KRT37: variants seen among roughly 807,000 people sequenced by gnomAD.
The protein encoded by KRT37 is keratin, type I cuticular Ha7.
A neutral mutation model predicts 41.9 loss-of-function variants in KRT37; 38 were observed. The ratio of observed to expected loss-of-function variants is 0.91; its 90% CI spans 0.70 to 1.19. The LOEUF (loss-of-function observed/expected upper bound fraction) is 1.19, where lower values mean the gene tolerates loss of function less well. Among genes scored for constraint, KRT37 ranks in the 50% most tolerant of loss-of-function variants. The pLI, the probability that KRT37 is intolerant of heterozygous loss-of-function variation, is 0.00. For synonymous variants in KRT37, 252 were observed against 243.4 expected, an observed-to-expected ratio of 1.04 and a Z score of -0.33; for missense variants, 580 against 575.5, an observed-to-expected ratio of 1.01 and a Z score of -0.08.
chr17:41,420,855 T>A lies in KRT37; in HGVS notation c.*23A>T, dbSNP rs1343882997. On this transcript the variant is annotated 3_prime_UTR_variant, in exon 7 of 7. Transcript: ENST00000225550. ...CTGACCCCAGTGCAACCAGCCTCAA[T>A]CTCCTAACTCGGGCCTTCAGAATCA... 6.5e-7 allele frequency: 1 copy of A among 1,543,384 alleles called. No individual in the cohort carries two copies. The highest frequency in any genetic ancestry group is 9.0e-7 in the Non-Finnish European group (1 of 1,117,168).
chr17:41,422,969 GC>G (rs749453789), intron 2 of KRT37, 35 bp from the exon 3 acceptor site: 12 of 1,588,696 alleles, frequency 7.6e-6, no homozygotes, highest in Non-Finnish European at 9.4e-6. Flanking sequence ...CAAAAAGAAT[GC>G]CCCAATAGCC....
Position 41,422,787 on chromosome 17 carries a change from G to A in KRT37, c.723C>T (p.Asn241=), listed in dbSNP as rs377367602. Reference sequence around the variant, plus strand: ...GCAGCCAGGGCCACACCTGCTCGTGGTTGCTCTTGAGGGAGAGCTGCTCCT... The same window carrying A: ...GCAGCCAGGGCCACACCTGCTCGTGATTGCTCTTGAGGGAGAGCTGCTCCT... The part of the protein sequence containing the change: ...LKEEQLSLKS[N]HEQEVKILRS... Residue 241 remains asparagine (N), a synonymous_variant, in exon 3 of 7, where the codon AAC becomes AAT. Coordinates refer to ENST00000225550, the MANE Select transcript of KRT37 (RefSeq NM_003770.5). The A allele has an allele frequency of 2.8e-4, 445 of 1,607,348 alleles. 4 individuals are homozygous for A. Among genetic ancestry groups the A allele is most frequent in the Middle Eastern group, 6.9e-4 (4 of 5,768 alleles).
chr17:41,421,880 A>T (rs2018544111), intron 5 of KRT37, among the ~76,000 whole-genome samples, 189 bp downstream of exon 5: 1 of 152,178 alleles, frequency 6.6e-6, no homozygotes, highest in Admixed American at 6.5e-5. Context: ...AAGGAAGTGG[A>T]CTTGATTTTC....
intron 2 of KRT37, chr17:41,423,322 C>G (rs1026070721): frequency 4.0e-6 from 1 of 251,214 alleles, no homozygotes; most frequent in Non-Finnish European, 7.5e-6. Flanking sequence ...CATTATTTCT[C>G]GTTGTTTTCT....
Position 41,422,113 on chromosome 17 carries a change from T to C in KRT37, c.976A>G (p.Thr326Ala), listed in dbSNP as rs753335776. ...CQSEILELRC[T>A]VNALEVERQA... ...CGCTCCACCTCCAGGGCATTCACCG[T>C]GCATCTCAGCTCCAGGATCTCCGAC... Residue 326 changes from threonine to alanine, a missense_variant, in exon 5 of 7, where the codon ACG (threonine) becomes GCG (alanine). Transcript: ENST00000225550. The C allele has an allele frequency of 3.7e-6, 6 of 1,614,200 alleles. No homozygotes were observed. The African/African-American group carries it at 6.7e-5, about 18-fold the overall frequency.
chr17:41,424,115 G>A lies in KRT37; in HGVS notation c.409C>T (p.Leu137Phe). 6.2e-7 allele frequency: 1 copy of A among 1,614,248 alleles called. No homozygotes were observed. Among genetic ancestry groups the A allele is most frequent in the South Asian group, 1.1e-5 (1 of 91,088 alleles). Reference protein sequence around the residue: ...QENAELETTLLERSKCHESTV... With the variant: ...QENAELETTLFERSKCHESTV... ...GACTCGTGGCACTTGCTCCTCTCGA[G>A]GAGTGTGGTCTCCAGCTCTGCATTC... Residue 137 changes from leucine (L) to phenylalanine (F), a missense_variant, in exon 1 of 7, where the codon CTC (leucine) becomes TTC (phenylalanine). Transcript: ENST00000225550.
Position 41,420,981 on chromosome 17 carries a change from G to C in KRT37, c.1247C>G (p.Pro416Arg), listed in dbSNP as rs1326569377. 1 of 1,610,094 alleles carries C rather than the reference G, an allele frequency of 6.2e-7. No homozygotes were observed. Among genetic ancestry groups the C allele is most frequent in the African/African-American group, 1.3e-5 (1 of 74,842 alleles). The change falls in exon 7 of 7, where the codon CCC becomes CGC. Residue 416 changes from proline to arginine, a missense_variant. Transcript: ENST00000225550. ...NLLESEDCKL[P>R]CNPCSTPASC... is the part of the protein sequence containing the mutation. Reference sequence around the variant, plus strand: ...GGCAGGCGTGGAACAGGGATTGCAGGGGAGTCTGCAGGGAGAGAAAGAAGA... The same window carrying C: ...GGCAGGCGTGGAACAGGGATTGCAGCGGAGTCTGCAGGGAGAGAAAGAAGA...
In KRT37 at chr17:41,424,124, T is replaced by C. The variant is rs1597721216; in HGVS notation, c.400A>G (p.Thr134Ala). The C allele has an allele frequency of 6.2e-7, 1 of 1,614,190 alleles. No individual in the cohort carries two copies. Residue 134 changes from threonine to alanine, a missense_variant, in exon 1 of 7, where the codon ACC (threonine) becomes GCC (alanine). Physicochemically the swap from Thr to Ala is moderately conservative, Grantham distance 58. Coordinates refer to ENST00000225550, the MANE Select transcript of KRT37 (RefSeq NM_003770.5). ...CACTTGCTCCTCTCGAGGAGTGTGG[T>C]CTCCAGCTCTGCATTCTCCTGCTCC... ...QLEQENAELE[T>A]TLLERSKCHE...
At position 41,422,400 on chromosome 17, in the gene KRT37, T is replaced by G; in HGVS notation, c.767A>C (p.Lys256Thr). The change falls in exon 4 of 7, where the codon AAG (lysine) becomes ACG (threonine). Residue 256 changes from lysine to threonine, a missense_variant. Transcript: ENST00000225550. ...CTCAATGTCCAGCTCGATCCGGAAC[T>G]TCTCCCCCAGCTGACTCCTCAGAAT... ...VKILRSQLGE[K>T]FRIELDIEPT... 1 of 1,614,176 alleles carries G rather than the reference T, an allele frequency of 6.2e-7. No individual in the cohort carries two copies. The highest frequency in any genetic ancestry group is 8.5e-7 in the Non-Finnish European group (1 of 1,180,020).
At chr17:41,421,063 G>T in intron 6 of KRT37, 77 bp from the exon 7 acceptor site, 2 of 1,154,586 alleles carry the variant, frequency 1.7e-6, no homozygotes, top group Non-Finnish European at 2.6e-6. Context: ...CAGGGTGAAG[G>T]CTGGGCCTGC....
At position 41,422,722 on chromosome 17, in the gene KRT37, GAGCTCCCCTGTCTGCC is replaced by G; in HGVS notation, c.732+40_732+55del. The G allele has an allele frequency of 2.8e-6, 4 of 1,451,098 alleles. No individual in the cohort carries two copies. In the East Asian group the frequency reaches 1.1e-4, roughly 39 times the overall value. The allele number at this position is 1,451,098 out of a possible 1,614,324, so 89.9% of individuals were successfully genotyped here. A position where few individuals can be genotyped will look rare whatever the true frequency, so the allele number is the denominator to read the frequency against. ...ATGCTCTGAGAGCCCCAGGGCCGGG[GAGCTCCCCTGTCTGCC>G]CAGCGCCCTCCCCAGGAGTCTGAGC... is the stretch of plus-strand genomic sequence containing the variant. On this transcript the variant is annotated intron_variant, in intron 3 of 6. Coordinates refer to ENST00000225550, the MANE Select transcript of KRT37 (RefSeq NM_003770.5).
At chr17:41,422,705 A>C (rs997380017) in intron 3 of KRT37, 73 bp downstream of exon 3, 1 of 1,394,770 alleles carries the variant, frequency 7.2e-7, no homozygotes, top group Non-Finnish European at 9.6e-7. Context: ...CAATGCTCTG[A>C]GAGCCCCAGG....
intron 6 of KRT37, among the ~76,000 whole-genome samples, 166 bp from the exon 7 acceptor site, chr17:41,421,152 G>A (rs2018533836): frequency 6.6e-6 from 1 of 152,158 alleles, no homozygotes; most frequent in Non-Finnish European, 1.5e-5. Flanking sequence ...GGAATCCTTG[G>A]GGAAGATTTG....
In KRT37 at chr17:41,424,572, G is replaced by A; in HGVS notation, c.-49C>T. On this transcript the variant is annotated 5_prime_UTR_variant, in exon 1 of 7. Transcript: ENST00000225550. ...GAGCTTCAGATCAGCTGGGAAGGCT[G>A]AGCCACTGAGACTGAAGCCTCCTCT... 1 of 1,521,550 alleles carries A rather than the reference G, an allele frequency of 6.6e-7. No individual in the cohort carries two copies. Among genetic ancestry groups the A allele is most frequent in the Non-Finnish European group, 8.8e-7 (1 of 1,134,380 alleles). 94.3% of individuals were successfully genotyped at this position (1,521,550 alleles called of 1,614,324 possible).
chr17:41,422,365 C>A lies in KRT37; in HGVS notation c.802G>T (p.Asp268Tyr). Residue 268 changes from aspartate (D) to tyrosine (Y), a missense_variant, in exon 4 of 7, where the codon GAC (aspartate) becomes TAC (tyrosine). Transcript: ENST00000225550. ...RIELDIEPTI[D>Y]LNRVLGEMRA... ...ATCTCCCCCAACACCCTGTTCAGGTCAATGGTGGGCTCAATGTCCAGCTCG... is the reference window on the plus strand; with the variant it reads ...ATCTCCCCCAACACCCTGTTCAGGTAAATGGTGGGCTCAATGTCCAGCTCG... The A allele has an allele frequency of 6.2e-7, 1 of 1,614,172 alleles. No individual in the cohort carries two copies. Among genetic ancestry groups the A allele is most frequent in the African/African-American group, 1.3e-5 (1 of 75,054 alleles).
Position 41,422,053 on chromosome 17 carries a change from G to A in KRT37, c.1020+16C>T, listed in dbSNP as rs1377881228. ...CATGGGGCATTTGCAGTGCAGTGAG[G>A]GTGAAGGACACGTACCAAGGTGTGC... On this transcript the variant is annotated intron_variant, in intron 5 of 6. Coordinates refer to ENST00000225550, the MANE Select transcript of KRT37 (RefSeq NM_003770.5). 6.2e-6 allele frequency: 10 copies of A among 1,614,140 alleles called. No individual in the cohort carries two copies. The highest frequency in any genetic ancestry group is 1.1e-5 in the South Asian group (1 of 91,072).
In KRT37 at chr17:41,423,446, G is replaced by T. The variant is rs1241397274; in HGVS notation, c.575+316C>A. 18 of 352,156 alleles carry T rather than the reference G, an allele frequency of 5.1e-5. No homozygotes were observed. In the Admixed American group the frequency reaches 7.8e-4, roughly 15 times the overall value. The allele number at this position is 352,156 out of a possible 1,614,324, so 21.8% of individuals were successfully genotyped here. A position where few individuals can be genotyped will look rare whatever the true frequency, so the allele number is the denominator to read the frequency against. On this transcript the variant is annotated intron_variant, in intron 2 of 6. Transcript: ENST00000225550. ...AGAGTCTAGCAACAACCTATGCATT[G>T]ACAGTTTATTTTTGTGATGACTCAA...
intron 2 of KRT37, 63 bp downstream of exon 2, chr17:41,423,698 TG>T: frequency 6.8e-7 from 1 of 1,467,204 alleles, no homozygotes; most frequent in Non-Finnish European, 9.5e-7. Context: ...GACTGAGTAA[TG>T]GGGCGGGCCC....
At chr17:41,422,967 A>G (rs1391224665) in intron 2 of KRT37, 33 bp from the exon 3 acceptor site, 4 of 1,597,528 alleles carry the variant, frequency 2.5e-6, no homozygotes, top group East Asian at 2.2e-5. Flanking sequence ...GTCAAAAAGA[A>G]TGCCCCAATA....
Sources: gnomAD v4.1 joint callset for allele counts (sites outside exome capture counted in the v4.1 genomes callset) on GRCh38, gnomAD v4.1.1 for gene constraint, MANE v1.5 for transcripts, NCBI Gene and HGNC (gene_info 2026-07-23, HGNC 2026-07-21) for gene names.